OR4N2: variants seen among roughly 807,000 people sequenced by gnomAD.
OR4N2 encodes the protein olfactory receptor family 4 subfamily N member 2, also known as olfactory receptor 4N2.
For synonymous variants in OR4N2, 141 were observed against 140.4 expected (o/e 1.00, Z -0.03); for missense variants, 307 against 377.6 (o/e 0.81, Z 1.55).
chr14:19,814,593 G>T (rs1307177075), intron 1 of OR4N2, among the ~76,000 whole-genome samples: 1 of 152,196 alleles, frequency 6.6e-6, no homozygotes, highest in Admixed American at 6.5e-5. Flanking sequence ...CAAATTTTAA[G>T]CAAAGGCAGG....
At chr14:19,822,476 G>T (rs1879590437) in intron 1 of OR4N2, 1 of 152,228 alleles carries the variant, frequency 6.6e-6, no homozygotes, top group South Asian at 2.1e-4. Flanking sequence ...TCTGTTGCAT[G>T]TGGTTATATC....
At chr14:19,815,655 GT>G (rs59019427) in intron 1 of OR4N2, among the ~76,000 whole-genome samples, 16,961 of 137,450 alleles carry the variant, frequency 0.12, 413 homozygotes, top group African/African-American at 0.14. Context: ...GTTTTTTTTT[GT>G]TTTTTTTTTT....
chr14:19,815,412 C>T lies in OR4N2; in HGVS notation c.-10+11568C>T, dbSNP rs867262460. ...CATTGTGGTTTTGATTTGCATTTCT[C>T]TAATGACCAGTGATGATGAGCTTTT... On this transcript the variant is annotated intron_variant, in intron 1 of 1. Transcript: ENST00000557677. 2.4e-3 allele frequency among the ~76,000 whole-genome samples: 371 copies of T among 152,280 alleles called. 2 individuals are homozygous for T. The highest frequency in any genetic ancestry group is 0.021 in the South Asian group (100 of 4,800).
chr14:19,814,039 G>T (rs1442297004), intron 1 of OR4N2, among the ~76,000 whole-genome samples: 2 of 151,164 alleles, frequency 1.3e-5, no homozygotes, highest in African/African-American at 4.9e-5. Flanking sequence ...AATATATTTG[G>T]TGATAAATTA....
At chr14:19,825,712 C>T (rs560224083) in intron 1 of OR4N2, among the ~76,000 whole-genome samples, 1 of 152,106 alleles carries the variant, frequency 6.6e-6, no homozygotes, top group South Asian at 2.1e-4. Context: ...ACCACCACCA[C>T]GTCCAGCTAA....
chr14:19,816,347 C>T (rs2138470937), intron 1 of OR4N2, among the ~76,000 whole-genome samples: 1 of 152,296 alleles, frequency 6.6e-6, no homozygotes, highest in South Asian at 2.1e-4. Context: ...AATGTTTTTC[C>T]ATTCATTTGT....
At chr14:19,818,527 T>C (rs1879484017) in intron 1 of OR4N2, among the ~76,000 whole-genome samples, 1 of 152,194 alleles carries the variant, frequency 6.6e-6, no homozygotes, top group Non-Finnish European at 1.5e-5. Context: ...TGGCTTTCAA[T>C]ATGCTTGGTA....
chr14:19,806,529 A>G (rs1248211199), intron 1 of OR4N2, among the ~76,000 whole-genome samples: 20 of 152,182 alleles, frequency 1.3e-4, no homozygotes, highest in East Asian at 1.2e-3. Flanking sequence ...ACTTTATCCT[A>G]AATGTATATA....
At chr14:19,824,035 A>G (rs1879631570) in intron 1 of OR4N2, among the ~76,000 whole-genome samples, 1 of 152,222 alleles carries the variant, frequency 6.6e-6, no homozygotes, top group South Asian at 2.1e-4. Flanking sequence ...GTAGTGTGTC[A>G]TCATGGCCAG....
rs1322773172 is a variant in OR4N2 at position 19,828,300 on chromosome 14, T to TG, written c.853dup (p.Val285GlyfsTer19). 6.2e-7 allele frequency: 1 copy of TG among 1,614,106 alleles called. No individual in the cohort carries two copies. The highest frequency in any genetic ancestry group is 2.2e-5 in the East Asian group (1 of 44,900). ...CAGTGATTTTTCCTTTGTTGAATCCTGTCATTTATACCCTTCGCAACCAGG... is the reference window on the plus strand; with the variant it reads ...CAGTGATTTTTCCTTTGTTGAATCCTGGTCATTTATACCCTTCGCAACCAGG... On this transcript the variant is annotated frameshift_variant, in exon 2 of 2. Coordinates refer to ENST00000557677, the MANE Select transcript of OR4N2 (RefSeq NM_001004723.3). LOFTEE classifies it low-confidence loss of function (END_TRUNC).
chr14:19,828,688 TA>T lies in OR4N2; in HGVS notation c.*318del. 3.8e-6 allele frequency: 1 copy of T among 259,904 alleles called. No homozygotes were observed. Among genetic ancestry groups the T allele is most frequent in the Non-Finnish European group, 7.4e-6 (1 of 134,978 alleles). 16.1% of individuals were successfully genotyped at this position (259,904 alleles called of 1,614,324 possible). On this transcript the variant is annotated 3_prime_UTR_variant, in exon 2 of 2. Coordinates refer to ENST00000557677, the MANE Select transcript of OR4N2 (RefSeq NM_001004723.3). ...TTGGGAGTAACCAATTTGTGTTTAA[TA>T]ATCAAAAAAGACCTTGAAGAGCTGA...
At chr14:19,806,989 T>TA (rs1160979906) in intron 1 of OR4N2, among the ~76,000 whole-genome samples, 12 of 151,874 alleles carry the variant, frequency 7.9e-5, no homozygotes, top group Middle Eastern at 6.8e-3. Flanking sequence ...TAGGCAAAAA[T>TA]CAAAAAAATT....
chr14:19,806,010 T>G (rs113712589), intron 1 of OR4N2, among the ~76,000 whole-genome samples: 1 of 152,144 alleles, frequency 6.6e-6, no homozygotes, highest in African/African-American at 2.4e-5. Flanking sequence ...AAAATCCTTC[T>G]CAGAAAATAA....
Position 19,827,816 on chromosome 14 carries a change from A to G in OR4N2, c.368A>G (p.Tyr123Cys), listed in dbSNP as rs1879751178. Reference protein sequence around the residue: ...LLLVVMAFDRYIAICRPLHYP... With the variant: ...LLLVVMAFDRCIAICRPLHYP... Reference sequence around the variant, plus strand: ...CTTGTTGTGATGGCCTTTGACCGCTACATCGCCATCTGCCGGCCTCTGCAC... The same window carrying G: ...CTTGTTGTGATGGCCTTTGACCGCTGCATCGCCATCTGCCGGCCTCTGCAC... Residue 123 changes from tyrosine to cysteine, a missense_variant, in exon 2 of 2, where the codon TAC (tyrosine) becomes TGC (cysteine). Coordinates refer to ENST00000557677, the MANE Select transcript of OR4N2 (RefSeq NM_001004723.3). 1 of 1,614,216 alleles carries G rather than the reference A, an allele frequency of 6.2e-7. No individual in the cohort carries two copies. The highest frequency in any genetic ancestry group is 8.5e-7 in the Non-Finnish European group (1 of 1,180,036).
At chr14:19,807,665 G>T (rs1030808332) in intron 1 of OR4N2, among the ~76,000 whole-genome samples, 2 of 151,508 alleles carry the variant, frequency 1.3e-5, no homozygotes, top group Admixed American at 6.6e-5. Context: ...TTAAAAAAAA[G>T]AACTCTACCA....
At position 19,815,378 on chromosome 14, in the gene OR4N2, A is replaced by G. The variant is rs1417029736; in HGVS notation, c.-10+11534A>G. 3.3e-5 allele frequency among the ~76,000 whole-genome samples: 5 copies of G among 152,316 alleles called. No homozygotes were observed. In the East Asian group the frequency reaches 9.6e-4, roughly 29 times the overall value. ...TGATCACCATTCTAACTGGCATGAG[A>G]TGGTATCTCATTGTGGTTTTGATTT... On this transcript the variant is annotated intron_variant, in intron 1 of 1. Coordinates refer to ENST00000557677, the MANE Select transcript of OR4N2 (RefSeq NM_001004723.3).
chr14:19,814,089 A>AAAGTCACTTTAC (rs560852523), intron 1 of OR4N2, among the ~76,000 whole-genome samples: 164 of 152,214 alleles, frequency 1.1e-3, no homozygotes, highest in Middle Eastern at 3.4e-3. Context: ...TTTCACTTGT[A>AAAGTCACTTTAC]AAGTGACCCA....
rs576144103 is a variant in OR4N2, at chr14:19,823,949, AGAGT to A, written c.-9-3490_-9-3487del. Among the ~76,000 whole-genome samples, 5 of 152,366 alleles carry A rather than the reference AGAGT, an allele frequency of 3.3e-5. No homozygotes were observed. The East Asian group carries it at 7.7e-4, about 23-fold the overall frequency. ...ACTCAGACTCCAGGCATGCACACAC[AGAGT>A]TGCCTGGAGATGTTTCTGTGTCTCC... On this transcript the variant is annotated intron_variant, in intron 1 of 1. Coordinates refer to ENST00000557677, the MANE Select transcript of OR4N2 (RefSeq NM_001004723.3).
At chr14:19,827,387 C>G (rs1879725336) in intron 1 of OR4N2, 53 bp from the exon 2 acceptor site, 3 of 1,448,862 alleles carry the variant, frequency 2.1e-6, no homozygotes, top group Non-Finnish European at 2.8e-6. Flanking sequence ...TAACTAGTAT[C>G]TAGTTGGAAG....
Sources: allele counts gnomAD v4.1 joint callset (sites outside exome capture counted in the v4.1 genomes callset), GRCh38; gene constraint gnomAD v4.1.1; transcripts MANE v1.5; gene names NCBI Gene and HGNC (gene_info 2026-07-23, HGNC 2026-07-21).